Variants in RSF1 observed in about 807,000 individuals in gnomAD.
RSF1 encodes remodeling and spacing factor 1, also known as HBV pX-associated protein 8.
RSF1 carries 13 observed loss-of-function variants against 145.2 expected under a neutral mutation model. The ratio of observed to expected loss-of-function variants is 0.09; its 90% CI spans 0.06 to 0.14. The LOEUF (loss-of-function observed/expected upper bound fraction) is 0.14, where lower values mean the gene tolerates loss of function less well. Ranked by LOEUF, RSF1 falls within the 10% of genes least tolerant of loss-of-function variation. RSF1 has a pLI of 1.00. For synonymous variants in RSF1, 577 were observed against 592.6 expected, an observed-to-expected ratio of 0.97 and a Z score of 0.38; for missense variants, 1,517 against 1,718.2, an observed-to-expected ratio of 0.88 and a Z score of 2.07.
the RSF1 span, chr11:77,841,280 G>T: frequency 1.4e-6 from 1 of 701,858 alleles, no homozygotes; most frequent in South Asian, 1.5e-5. Flanking sequence ...GAGTTTGGAA[G>T]GGTGCAGACA....
chr11:77,820,398 G>A, intron 1 of RSF1, 130 bp downstream of exon 1: 2 of 981,192 alleles, frequency 2.0e-6, no homozygotes, highest in Non-Finnish European at 2.9e-6. Flanking sequence ...CCAGCCCGGC[G>A]GAGTTGCGTC....
intron 3 of RSF1, among the ~76,000 whole-genome samples, chr11:77,743,301 T>C (rs2135913734): frequency 6.6e-6 from 1 of 152,324 alleles, no homozygotes; most frequent in South Asian, 2.1e-4. Context: ...AGGGACTGCG[T>C]TGAATCTGTA....
At chr11:77,755,924 C>T (rs1045248198) in intron 2 of RSF1, among the ~76,000 whole-genome samples, 1 of 152,078 alleles carries the variant, frequency 6.6e-6, no homozygotes, top group Admixed American at 6.6e-5. Context: ...ATTCATATCC[C>T]TTGACAAAGT....
In RSF1 at chr11:77,664,999, C is replaced by T. The variant is rs1010782487; in HGVS notation, c.*1918G>A. 2.0e-5 allele frequency: 3 copies of T among 152,084 alleles called. No individual in the cohort carries two copies. The highest frequency in any genetic ancestry group is 7.2e-5 in the African/African-American group (3 of 41,418). The allele number at this position is 152,084 out of a possible 1,614,324, so 9.4% of individuals were successfully genotyped here. On this transcript the variant is annotated 3_prime_UTR_variant, in exon 16 of 16. Coordinates refer to ENST00000308488, the MANE Select transcript of RSF1 (RefSeq NM_016578.4). Reference sequence around the variant, plus strand: ...ATTTTATTTTTTATACAGATACATACACATTGCTAGAATCAAAGCAAAAAT... The same window carrying T: ...ATTTTATTTTTTATACAGATACATATACATTGCTAGAATCAAAGCAAAAAT...
At chr11:77,691,336 G>GT in intron 8 of RSF1, 98 bp from the exon 9 acceptor site, 1 of 939,914 alleles carries the variant, frequency 1.1e-6, no homozygotes, top group South Asian at 1.4e-5. Flanking sequence ...CTGAGAGCTG[G>GT]TAAGGGACCA....
intron 2 of RSF1, among the ~76,000 whole-genome samples, chr11:77,749,873 C>T (rs568493006): frequency 3.2e-4 from 48 of 152,190 alleles, no homozygotes; most frequent in East Asian, 2.9e-3. Context: ...CTCAGCCTCC[C>T]GAGTAGCTGA....
chr11:77,837,254 G>A, the RSF1 span, among the ~76,000 whole-genome samples: 1 of 151,188 alleles, frequency 6.6e-6, no homozygotes, highest in Non-Finnish European at 1.5e-5. Context: ...TCCTGCCTCA[G>A]TCTACCGAGT....
rs1948207667 is a variant in RSF1, at chr11:77,764,626, G to A, written c.251C>T (p.Ala84Val). 3 of 1,605,216 alleles carry A rather than the reference G, an allele frequency of 1.9e-6. No individual in the cohort carries two copies. The African/African-American group carries it at 4.0e-5, about 21-fold the overall frequency. ...GATCAAATATTTTTCCCATCTGTCT[G>A]CAGTAACAGATTTGCCAATTTTCCT... ...LMRKIGKSVT[A>V]DRWEKYLIKI... The change falls in exon 2 of 16, where the codon GCA becomes GTA. Residue 84 changes from alanine to valine, a missense_variant. Transcript: ENST00000308488.
the RSF1 span, among the ~76,000 whole-genome samples, chr11:77,857,698 TG>T: frequency 4.0e-5 from 6 of 151,418 alleles, no homozygotes; most frequent in South Asian, 4.2e-4. Flanking sequence ...TCAACTAAGT[TG>T]TTTTTTTTTT....
intron 9 of RSF1, among the ~76,000 whole-genome samples, chr11:77,688,846 T>C (rs929014211): frequency 3.9e-5 from 6 of 152,222 alleles, no homozygotes; most frequent in Admixed American, 2.6e-4. Context: ...TAACTTGCCT[T>C]TAAACTAAGC....
chr11:77,816,678 T>C (rs899616741), intron 1 of RSF1, among the ~76,000 whole-genome samples: 1 of 152,198 alleles, frequency 6.6e-6, no homozygotes, highest in Admixed American at 6.5e-5. Context: ...TGAAAAGAAA[T>C]ATTCTCTGCA....
chr11:77,680,802 T>G (rs2135823891), intron 11 of RSF1, among the ~76,000 whole-genome samples: 1 of 152,340 alleles, frequency 6.6e-6, no homozygotes, highest in African/African-American at 2.4e-5. Flanking sequence ...GGATTTGTCT[T>G]AAGTTCTGAG....
At chr11:77,812,261 T>C (rs1360806467) in intron 1 of RSF1, among the ~76,000 whole-genome samples, 1 of 152,222 alleles carries the variant, frequency 6.6e-6, no homozygotes, top group Non-Finnish European at 1.5e-5. Flanking sequence ...TTAAATAGTT[T>C]TTTGGTGATT....
chr11:77,797,076 C>T (rs1948579419), intron 1 of RSF1, among the ~76,000 whole-genome samples: 1 of 152,170 alleles, frequency 6.6e-6, no homozygotes, highest in Admixed American at 6.5e-5. Context: ...TGAAAATGGC[C>T]ATACTGCCAA....
intron 1 of RSF1, among the ~76,000 whole-genome samples, chr11:77,795,754 A>G (rs1948565798): frequency 6.6e-6 from 1 of 152,214 alleles, no homozygotes. Flanking sequence ...TTTGTAGAAA[A>G]CATAGGGAAA....
At position 77,753,790 on chromosome 11, in the gene RSF1, C is replaced by T. The variant is rs192276434; in HGVS notation, c.280-6662G>A. ...TCCTGCAGATAACATCACTATTGTACAACCTAAGATTGGCCTTTTAAGAGG... is the reference window on the plus strand; with the variant it reads ...TCCTGCAGATAACATCACTATTGTATAACCTAAGATTGGCCTTTTAAGAGG... On this transcript the variant is annotated intron_variant, in intron 2 of 15. Coordinates refer to ENST00000308488, the MANE Select transcript of RSF1 (RefSeq NM_016578.4). Among the ~76,000 whole-genome samples, 43 of 152,328 alleles carry T rather than the reference C, an allele frequency of 2.8e-4. No homozygotes were observed. The East Asian group carries it at 7.5e-3, about 27-fold the overall frequency.
intron 2 of RSF1, chr11:77,762,893 TG>T (rs1423410215): frequency 6.6e-6 from 1 of 152,108 alleles, no homozygotes; most frequent in Non-Finnish European, 1.5e-5. Flanking sequence ...GTAAGAGCCA[TG>T]TAACAGGGAA....
At chr11:77,706,227 G>A (rs1160666762) in intron 5 of RSF1, among the ~76,000 whole-genome samples, 1 of 140,164 alleles carries the variant, frequency 7.1e-6, no homozygotes, top group Non-Finnish European at 1.5e-5. Flanking sequence ...GCGACAGAGT[G>A]AGACTCTGTC....
chr11:77,683,883 A>C (rs1353113999), intron 10 of RSF1, 64 bp from the exon 11 acceptor site: 1 of 1,269,532 alleles, frequency 7.9e-7, no homozygotes, highest in Non-Finnish European at 1.1e-6. Context: ...CCTTGGGATA[A>C]ACAGTTTTGT....
Sources: allele counts gnomAD v4.1 joint callset (sites outside exome capture counted in the v4.1 genomes callset), GRCh38; gene constraint gnomAD v4.1.1; transcripts MANE v1.5; gene names NCBI Gene and HGNC (gene_info 2026-07-23, HGNC 2026-07-21).